ASH1L: variants seen among roughly 807,000 people sequenced by gnomAD.
ASH1L encodes histone-lysine N-methyltransferase ASH1L.
A neutral mutation model predicts 269.0 loss-of-function variants in ASH1L; 23 were observed. That is an observed-to-expected ratio of 0.09 (90% confidence interval 0.06 to 0.12). ASH1L has a LOEUF of 0.12. ASH1L is among the 10% of genes least tolerant of loss of function. The pLI, the probability that ASH1L is intolerant of heterozygous loss-of-function variation, is 1.00. For missense variants in ASH1L, 2,912 were observed against 3,567.8 expected (o/e 0.82, Z 4.68); for synonymous variants, 1,187 against 1,253.5 (o/e 0.95, Z 1.12).
chr1:155,477,059 C>T (rs756321869), intron 3 of ASH1L, among the ~76,000 whole-genome samples: 2 of 152,052 alleles, frequency 1.3e-5, no homozygotes, highest in Non-Finnish European at 2.9e-5. Context: ...CATATATACC[C>T]GTAATTTTAC....
rs760147359 is a variant in ASH1L, at chr1:155,480,841, T to G, written c.2029A>C (p.Ser677Arg). 10 of 1,613,908 alleles carry G rather than the reference T, an allele frequency of 6.2e-6. No individual in the cohort carries two copies. Among genetic ancestry groups the G allele is most frequent in the Non-Finnish European group, 8.5e-6 (10 of 1,179,920 alleles). Residue 677 changes from serine (S) to arginine (R), a missense_variant, in exon 3 of 28, where the codon AGT becomes CGT. Transcript: ENST00000392403. ...PSVVNFTSLF[S>R]NKPFLKLGAV... ...CCCAGTTTTAAAAAAGGCTTATTAC[T>G]AAATAAACTAGTGAAGTTAACAACT...
chr1:155,461,698 T>C (rs1480748510), intron 3 of ASH1L, among the ~76,000 whole-genome samples: 2 of 151,626 alleles, frequency 1.3e-5, no homozygotes, highest in Admixed American at 6.6e-5. Context: ...ACCCAACACA[T>C]AGTCAAGACA....
In ASH1L at chr1:155,478,493, G is replaced by C. The variant is rs748490999; in HGVS notation, c.4377C>G (p.Pro1459=). ...TGGGGTAGGTACTCATGGAAAGGAG[G>C]GGAGTCCTGCTGGTTGTAAGAAAGG... ...QEAFLTTSRT[P]LLSMSTYPSV... The change falls in exon 3 of 28, where the codon CCC becomes CCG. Residue 1459 remains proline, a synonymous_variant. Coordinates refer to ENST00000392403, the MANE Select transcript of ASH1L (RefSeq NM_018489.3). The surrounding 1 kb of genome is among the most constrained non-coding windows in gnomAD (Gnocchi z 4.6). 1 of 1,614,136 alleles carries C rather than the reference G, an allele frequency of 6.2e-7. No individual in the cohort carries two copies. The highest frequency in any genetic ancestry group is 8.5e-7 in the Non-Finnish European group (1 of 1,180,030).
chr1:155,543,013 A>G (rs1404717571), intron 1 of ASH1L, among the ~76,000 whole-genome samples: 2 of 151,588 alleles, frequency 1.3e-5, no homozygotes, highest in Non-Finnish European at 2.9e-5. Flanking sequence ...TTTTTTTTAA[A>G]TATTTTAACG....
intron 3 of ASH1L, among the ~76,000 whole-genome samples, chr1:155,471,088 G>GAA (rs1266064545): frequency 6.6e-6 from 1 of 152,028 alleles, no homozygotes; most frequent in African/African-American, 2.4e-5. Context: ...ACATCTACCT[G>GAA]AAAAAAGTAT....
At chr1:155,562,841 C>G (rs958371395), upstream of ASH1L, 4 of 501,570 alleles carry the variant, frequency 8.0e-6, no homozygotes, top group East Asian at 5.7e-5. Flanking sequence ...TCTCCTCCCC[C>G]CCCTTCCCCG....
At chr1:155,361,795 C>T (rs891901757) in intron 12 of ASH1L, among the ~76,000 whole-genome samples, 10 of 151,178 alleles carry the variant, frequency 6.6e-5, no homozygotes, top group African/African-American at 2.4e-4. Flanking sequence ...ATGACTTGAA[C>T]CCCTGAGGCA....
At chr1:155,339,443 G>T in intron 25 of ASH1L, 75 bp from the exon 26 acceptor site, 1 of 1,400,344 alleles carries the variant, frequency 7.1e-7, no homozygotes, top group South Asian at 1.2e-5. Context: ...GGCCAGTCAG[G>T]ATAAGGAACA....
intron 3 of ASH1L, among the ~76,000 whole-genome samples, chr1:155,469,330 G>GT (rs948725143): frequency 1.3e-5 from 2 of 152,024 alleles, no homozygotes; most frequent in Non-Finnish European, 2.9e-5. Context: ...TTATAGGCAT[G>GT]TGCCACCACG....
chr1:155,480,225 G>C lies in ASH1L; in HGVS notation c.2645C>G (p.Ser882Cys). Residue 882 changes from serine (S) to cysteine (C), a missense_variant, in exon 3 of 28, where the codon TCT becomes TGT. Coordinates refer to ENST00000392403, the MANE Select transcript of ASH1L (RefSeq NM_018489.3). ...TCTCTTTTTTGGAAAAGGAGACACA[G>C]ACAGACCTTGTTTGAAGGAAGGGAT... Reference protein sequence around the residue: ...IEIPSFKQGLSVSPFPKKRGR... With the variant: ...IEIPSFKQGLCVSPFPKKRGR... The C allele has an allele frequency of 6.2e-7, 1 of 1,614,140 alleles. No individual in the cohort carries two copies. The highest frequency in any genetic ancestry group is 8.5e-7 in the Non-Finnish European group (1 of 1,180,002).
chr1:155,409,741 C>T (rs754880709), intron 6 of ASH1L, among the ~76,000 whole-genome samples: 13 of 152,266 alleles, frequency 8.5e-5, no homozygotes, highest in Non-Finnish European at 1.2e-4. Flanking sequence ...GTTGAGATTA[C>T]AGGCATAAGC....
chr1:155,501,455 C>T (rs1188099246), intron 2 of ASH1L, among the ~76,000 whole-genome samples: 1 of 152,220 alleles, frequency 6.6e-6, no homozygotes, highest in African/African-American at 2.4e-5. Flanking sequence ...ACTGCAATCT[C>T]CACCTCCCGG....
chr1:155,389,093 C>T (rs888165854), intron 7 of ASH1L, among the ~76,000 whole-genome samples: 16 of 150,722 alleles, frequency 1.1e-4, no homozygotes, highest in Admixed American at 1.3e-4. Flanking sequence ...GCAACCTCCA[C>T]CTCCTGAGTT....
intron 7 of ASH1L, among the ~76,000 whole-genome samples, chr1:155,388,744 G>T (rs1657652093): frequency 1.5e-5 from 2 of 137,002 alleles, no homozygotes; most frequent in African/African-American, 6.0e-5. Context: ...ATAGAAAACA[G>T]GGACTTGATC....
At chr1:155,490,654 A>ACACACACACACT (rs1345649483) in intron 2 of ASH1L, among the ~76,000 whole-genome samples, 12 of 148,252 alleles carry the variant, frequency 8.1e-5, no homozygotes, top group African/African-American at 3.0e-4. Flanking sequence ...ATACACACAC[A>ACACACACACACT]CTCTCTCTCT....
Position 155,482,407 on chromosome 1 carries a change from T to C in ASH1L, c.463A>G (p.Ile155Val), listed in dbSNP as rs1666021434. The C allele has an allele frequency of 1.9e-6, 3 of 1,613,886 alleles. No homozygotes were observed. The highest frequency in any genetic ancestry group is 2.7e-5 in the African/African-American group (2 of 74,938). ...LYKKADDVAA[I>V]ECQSEEVIRL... ...ATGACTTCTTCAGACTGGCATTCAA[T>C]GGCTGCAACATCATCTGCTTTCTTG... The change falls in exon 3 of 28, where the codon ATT becomes GTT. Residue 155 changes from isoleucine (I) to valine (V), a missense_variant. Transcript: ENST00000392403.
intron 5 of ASH1L, among the ~76,000 whole-genome samples, chr1:155,418,750 TAAA>T (rs1660415020): frequency 6.6e-6 from 1 of 152,076 alleles, no homozygotes; most frequent in African/African-American, 2.4e-5. Flanking sequence ...ATAAACTTGT[TAAA>T]AACTACTGAT....
Position 155,478,572 on chromosome 1 carries a change from A to C in ASH1L, c.4298T>G (p.Leu1433Arg). The change falls in exon 3 of 28, where the codon CTT becomes CGT. Residue 1433 changes from leucine (L) to arginine (R), a missense_variant. Physicochemically the swap from Leu to Arg is moderately radical, Grantham distance 102 (BLOSUM62 -2). Transcript: ENST00000392403. The surrounding 1 kb of genome is among the most constrained non-coding windows in gnomAD (Gnocchi z 4.6). ...CTTATGGTATTTGGCAGGATTGAGAAGTAAATGACCAGCATGCATATAGGA... is the reference window on the plus strand; with the variant it reads ...CTTATGGTATTTGGCAGGATTGAGACGTAAATGACCAGCATGCATATAGGA... ...PPSYMHAGHL[L>R]LNPAKYHKKK... 6.2e-7 allele frequency: 1 copy of C among 1,614,050 alleles called. No homozygotes were observed. Among genetic ancestry groups the C allele is most frequent in the Non-Finnish European group, 8.5e-7 (1 of 1,180,026 alleles).
chr1:155,514,021 T>G (rs936968554), intron 2 of ASH1L, among the ~76,000 whole-genome samples: 5 of 152,312 alleles, frequency 3.3e-5, no homozygotes, highest in African/African-American at 1.2e-4. Flanking sequence ...GAGGACATTA[T>G]GCTAAGGGAA....
Sources: gnomAD v4.1 joint callset for allele counts (sites outside exome capture counted in the v4.1 genomes callset) on GRCh38, gnomAD v4.1.1 for gene constraint, Gnocchi (gnomAD v3.1) non-coding constraint, MANE v1.5 for transcripts, NCBI Gene and HGNC (gene_info 2026-07-23, HGNC 2026-07-21) for gene names.